The following LMBR1 variants were observed in gnomAD, a reference collection of about 807,000 sequenced individuals.
The protein encoded by LMBR1 is limb region 1 protein homolog.
A neutral mutation model predicts 73.9 loss-of-function variants in LMBR1; 52 were observed. The ratio of observed to expected loss-of-function variants is 0.70; its 90% CI spans 0.56 to 0.89. The LOEUF is 0.89. LMBR1 is among the 40% of genes least tolerant of loss of function. The pLI is 0.00. For synonymous variants in LMBR1, 215 were observed against 209.4 expected (o/e 1.03, Z -0.23); for missense variants, 539 against 579.8 (o/e 0.93, Z 0.72).
chr7:156,817,669 T>C (rs1185041527), intron 4 of LMBR1, among the ~76,000 whole-genome samples: 2 of 152,144 alleles, frequency 1.3e-5, no homozygotes, highest in African/African-American at 4.8e-5. Flanking sequence ...AAACAAATAA[T>C]ATGTCCATTG....
At chr7:156,750,772 G>A (rs943320528) in intron 9 of LMBR1, among the ~76,000 whole-genome samples, 9 of 152,160 alleles carry the variant, frequency 5.9e-5, no homozygotes, top group South Asian at 2.1e-4. Flanking sequence ...AACAAAAATC[G>A]CTGCCCCAAT....
chr7:156,825,068 C>A (rs1835439476), intron 4 of LMBR1, among the ~76,000 whole-genome samples: 1 of 152,088 alleles, frequency 6.6e-6, no homozygotes, highest in African/African-American at 2.4e-5. Context: ...CTCAGAAATT[C>A]CAAATTCACT....
intron 1 of LMBR1, among the ~76,000 whole-genome samples, chr7:156,850,381 A>G (rs573063779): frequency 6.6e-6 from 1 of 152,330 alleles, no homozygotes; most frequent in Admixed American, 6.5e-5. Context: ...CTGTTTCAGT[A>G]GCACAAAACA....
intron 1 of LMBR1, among the ~76,000 whole-genome samples, chr7:156,876,363 A>G (rs772519664): frequency 4.6e-5 from 7 of 152,218 alleles, no homozygotes; most frequent in Non-Finnish European, 8.8e-5. Flanking sequence ...CAGCAACACA[A>G]TAATAGTGGG....
At chr7:156,675,869 T>C, downstream of LMBR1, 3 of 1,609,882 alleles carry the variant, frequency 1.9e-6, 1 homozygote, top group South Asian at 3.3e-5. Flanking sequence ...TGCAGGTAGG[T>C]TTGGCTGGCA....
intron 15 of LMBR1, among the ~76,000 whole-genome samples, chr7:156,693,678 A>C (rs888403470): frequency 2.0e-5 from 3 of 152,224 alleles, no homozygotes; most frequent in Admixed American, 1.3e-4. Flanking sequence ...GCCCAGGACC[A>C]GATGGCTTCA....
chr7:156,792,437 CTAA>C (rs1039703263), intron 5 of LMBR1, among the ~76,000 whole-genome samples: 46 of 152,220 alleles, frequency 3.0e-4, no homozygotes, highest in African/African-American at 1.0e-3. Context: ...CATTTAACTG[CTAA>C]TAATAAGTCT....
At chr7:156,756,039 T>TA in intron 9 of LMBR1, among the ~76,000 whole-genome samples, 1 of 152,344 alleles carries the variant, frequency 6.6e-6, no homozygotes, top group Admixed American at 6.5e-5. Flanking sequence ...TACTATCTGT[T>TA]AAACTATATC....
At chr7:156,819,068 TC>T (rs1211478582) in intron 4 of LMBR1, among the ~76,000 whole-genome samples, 1 of 152,140 alleles carries the variant, frequency 6.6e-6, no homozygotes, top group Non-Finnish European at 1.5e-5. Context: ...ACTCCAATGC[TC>T]CAATGTCATT....
chr7:156,714,711 G>C (rs1260692568), intron 15 of LMBR1, among the ~76,000 whole-genome samples: 1 of 152,150 alleles, frequency 6.6e-6, no homozygotes, highest in Admixed American at 6.5e-5. Context: ...ATGGAAAGAA[G>C]GGACAAAGGA....
chr7:156,737,451 A>T (rs559019918), intron 9 of LMBR1, among the ~76,000 whole-genome samples: 7 of 152,142 alleles, frequency 4.6e-5, no homozygotes, highest in African/African-American at 1.4e-4. Flanking sequence ...GATCCCTTTC[A>T]ATCTCCAAAT....
intron 1 of LMBR1, among the ~76,000 whole-genome samples, chr7:156,889,060 A>G (rs1802441131): frequency 6.6e-6 from 1 of 152,314 alleles, no homozygotes. Flanking sequence ...TCTCAAAAAA[A>G]AAAAAGAAAG....
At chr7:156,742,488 T>C (rs2132608806) in intron 9 of LMBR1, among the ~76,000 whole-genome samples, 1 of 152,220 alleles carries the variant, frequency 6.6e-6, no homozygotes, top group South Asian at 2.1e-4. Flanking sequence ...AGTAATTACA[T>C]GTCAATACAC....
rs1805350804 is a variant in LMBR1, at chr7:156,683,080, T to C, written c.*998A>G. The C allele has an allele frequency of 6.6e-6, 1 of 152,216 alleles. No homozygotes were observed. Among genetic ancestry groups the C allele is most frequent in the African/African-American group, 2.4e-5 (1 of 41,444 alleles). 9.4% of individuals were successfully genotyped at this position (152,216 alleles called of 1,614,324 possible). A position where few individuals can be genotyped will look rare whatever the true frequency, so the allele number is the denominator to read the frequency against. ...CACCATGAATGCTGATGCTGTGAAC[T>C]TTGGATGTTAAACTGGTAAAAGCTG... On this transcript the variant is annotated 3_prime_UTR_variant, in exon 17 of 17. Transcript: ENST00000353442.
At chr7:156,694,579 C>G (rs1337895194) in intron 15 of LMBR1, among the ~76,000 whole-genome samples, 1 of 152,108 alleles carries the variant, frequency 6.6e-6, no homozygotes, top group East Asian at 1.9e-4. Flanking sequence ...CCAGAGCAAT[C>G]AAGTTAGAAA....
downstream of LMBR1, chr7:156,676,386 C>T (rs753204431): frequency 1.2e-6 from 2 of 1,614,006 alleles, no homozygotes; most frequent in Non-Finnish European, 1.7e-6. Context: ...TGAAACTAAC[C>T]CGCGTGGCCT....
intron 15 of LMBR1, among the ~76,000 whole-genome samples, chr7:156,711,966 G>A (rs182123301): frequency 1.4e-3 from 214 of 152,200 alleles, no homozygotes; most frequent in South Asian, 4.1e-3. Flanking sequence ...TTAAGACCTC[G>A]AAAGCACAGA....
At chr7:156,713,746 CAT>C (rs1199774778) in intron 15 of LMBR1, among the ~76,000 whole-genome samples, 1 of 152,126 alleles carries the variant, frequency 6.6e-6, no homozygotes, top group Non-Finnish European at 1.5e-5. Flanking sequence ...TCACTTTAAA[CAT>C]GTGCAGTTTA....
intron 3 of LMBR1, among the ~76,000 whole-genome samples, chr7:156,827,314 C>G (rs989548950): frequency 2.1e-4 from 32 of 152,034 alleles, no homozygotes; most frequent in African/African-American, 6.5e-4. Context: ...ATATTTAAAA[C>G]ACTACTTTGT....
Sources: gnomAD v4.1 joint callset for allele counts (sites outside exome capture counted in the v4.1 genomes callset) on GRCh38, gnomAD v4.1.1 for gene constraint, MANE v1.5 for transcripts, NCBI Gene and HGNC (gene_info 2026-07-23, HGNC 2026-07-21) for gene names.